Variants in TBC1D5 observed in about 807,000 individuals in gnomAD.
TBC1D5 encodes the protein TBC1 domain family, member 5.
In TBC1D5, 75 loss-of-function variants were observed where a neutral mutation model predicts 100.3. That is an observed-to-expected ratio of 0.75 (90% CI 0.62 to 0.91). The LOEUF (loss-of-function observed/expected upper bound fraction) is 0.91, where lower values mean the gene tolerates loss of function less well. TBC1D5 is among the 40% of genes least tolerant of loss of function. TBC1D5 has a pLI of 0.00. For missense variants in TBC1D5, 910 were observed against 942.4 expected (o/e 0.97, Z 0.45); for synonymous variants, 323 against 325.6 (o/e 0.99, Z 0.09).
intron 14 of TBC1D5, among the ~76,000 whole-genome samples, chr3:17,296,098 A>G (rs1375715230): frequency 6.6e-6 from 1 of 152,234 alleles, no homozygotes; most frequent in Non-Finnish European, 1.5e-5. Flanking sequence ...AAAAGTCCTC[A>G]GTGTCAAAGG....
At chr3:17,609,814 T>A (rs1560273767) in intron 2 of TBC1D5, among the ~76,000 whole-genome samples, 1 of 152,188 alleles carries the variant, frequency 6.6e-6, no homozygotes, top group African/African-American at 2.4e-5. Context: ...GGACAGTCAG[T>A]ATATTATCAG....
intron 1 of TBC1D5, among the ~76,000 whole-genome samples, chr3:17,701,193 G>C (rs2073135277): frequency 6.6e-6 from 1 of 152,096 alleles, no homozygotes; most frequent in Non-Finnish European, 1.5e-5. Context: ...CATGGATGAA[G>C]CTGGAAACCA....
intron 3 of TBC1D5, among the ~76,000 whole-genome samples, chr3:17,474,690 T>TCATTGA (rs1217802287): frequency 6.6e-6 from 1 of 152,138 alleles, no homozygotes; most frequent in Non-Finnish European, 1.5e-5. Context: ...TTTTAATGCA[T>TCATTGA]CATTGACATC....
chr3:17,282,604 G>A (rs550177664), intron 15 of TBC1D5, among the ~76,000 whole-genome samples: 5 of 152,200 alleles, frequency 3.3e-5, no homozygotes, highest in East Asian at 3.9e-4. Context: ...AAAACATGCC[G>A]AGCAATCATT....
At chr3:17,720,293 A>AT (rs1278763403) in intron 1 of TBC1D5, among the ~76,000 whole-genome samples, 4 of 152,196 alleles carry the variant, frequency 2.6e-5, no homozygotes, top group Admixed American at 2.6e-4. Context: ...TGTAGCCAAC[A>AT]TTTTTAAAAT....
At chr3:17,487,199 C>T (rs2095580096) in intron 3 of TBC1D5, among the ~76,000 whole-genome samples, 1 of 151,972 alleles carries the variant, frequency 6.6e-6, no homozygotes, top group African/African-American at 2.4e-5. Flanking sequence ...TACTATTTGG[C>T]CATATAAGAA....
intron 2 of TBC1D5, among the ~76,000 whole-genome samples, chr3:17,551,058 GTGTGTGTGTA>G (rs908083494): frequency 5.3e-5 from 8 of 152,116 alleles, no homozygotes; most frequent in African/African-American, 1.7e-4. Flanking sequence ...AGCTCTGTGT[GTGTGTGTGTA>G]TGTGTGTGTA....
chr3:17,589,962 C>T (rs527779776), intron 2 of TBC1D5, among the ~76,000 whole-genome samples: 1 of 152,236 alleles, frequency 6.6e-6, no homozygotes, highest in South Asian at 2.1e-4. Flanking sequence ...GCCCAGAGAT[C>T]AGTTTGAAAT....
intron 2 of TBC1D5, among the ~76,000 whole-genome samples, chr3:17,563,397 G>C (rs2153480050): frequency 6.6e-6 from 1 of 152,308 alleles, no homozygotes; most frequent in South Asian, 2.1e-4. Context: ...AAAGGGTACA[G>C]TGAGAAGAGA....
At chr3:17,740,932 T>C (rs752018125), upstream of TBC1D5, 6 of 152,060 alleles carry the variant, frequency 3.9e-5, no homozygotes, top group African/African-American at 1.5e-4. Flanking sequence ...GACACAATAT[T>C]TGCACTCTTC....
At chr3:17,678,726 A>G (rs2069022421) in intron 1 of TBC1D5, among the ~76,000 whole-genome samples, 1 of 150,472 alleles carries the variant, frequency 6.6e-6, no homozygotes. Context: ...TCCCAAACTG[A>G]AAGACATTTG....
chr3:17,588,651 C>T (rs1422417791), intron 2 of TBC1D5, among the ~76,000 whole-genome samples: 1 of 152,214 alleles, frequency 6.6e-6, no homozygotes, highest in East Asian at 1.9e-4. Flanking sequence ...AAGTTGTGCA[C>T]TCCTAGGGAG....
In TBC1D5 at chr3:17,430,650, C is replaced by A. The variant is rs573463485; in HGVS notation, c.98-2131G>T. On this transcript the variant is annotated intron_variant, in intron 3 of 21. Transcript: ENST00000253692. ...CAATAAAGTTTTGAAGCGGGAAAAA[C>A]GCTTTGTTCCCTCAATCCTCTAGTT... Among the ~76,000 whole-genome samples, 388 of 151,936 alleles carry A rather than the reference C, an allele frequency of 2.6e-3. 3 individuals carry two copies. Among genetic ancestry groups the A allele is most frequent in the Non-Finnish European group, 4.3e-3 (292 of 67,766 alleles).
At chr3:17,172,593 A>C (rs2067270819) in intron 19 of TBC1D5, among the ~76,000 whole-genome samples, 1 of 152,214 alleles carries the variant, frequency 6.6e-6, no homozygotes, top group Non-Finnish European at 1.5e-5. Context: ...TGGAGCACTG[A>C]AACTAAAGGG....
At chr3:17,603,894 C>G (rs1329675284) in intron 2 of TBC1D5, among the ~76,000 whole-genome samples, 1 of 152,116 alleles carries the variant, frequency 6.6e-6, no homozygotes, top group Non-Finnish European at 1.5e-5. Context: ...ATCCACCCGC[C>G]TCACCCTCTC....
At position 17,252,311 on chromosome 3, in the gene TBC1D5, C is replaced by A. The variant is rs190194336; in HGVS notation, c.1331+6195G>T. Among the ~76,000 whole-genome samples, 58 of 152,204 alleles carry A rather than the reference C, an allele frequency of 3.8e-4. No homozygotes were observed. The East Asian group carries it at 0.011, about 29-fold the overall frequency. On this transcript the variant is annotated intron_variant, in intron 16 of 21. Transcript: ENST00000253692. The stretch of plus-strand genomic sequence containing the variant: ...GAGATGGAAGAAACCAAGATTAGTT[C>A]TTTGATCTCTCACTCCAGCAGATCA...
intron 17 of TBC1D5, among the ~76,000 whole-genome samples, chr3:17,215,022 T>C (rs1487099614): frequency 1.3e-5 from 2 of 151,614 alleles, no homozygotes; most frequent in Admixed American, 1.3e-4. Context: ...GGGTGAGAGA[T>C]GAGGTTTGAG....
At chr3:17,712,007 G>C (rs988232263) in intron 1 of TBC1D5, among the ~76,000 whole-genome samples, 5 of 152,162 alleles carry the variant, frequency 3.3e-5, no homozygotes, top group African/African-American at 1.2e-4. Context: ...TAAAACACAT[G>C]CTTAATTAAA....
intron 13 of TBC1D5, among the ~76,000 whole-genome samples, chr3:17,328,456 T>G (rs1286480479): frequency 6.6e-6 from 1 of 152,102 alleles, no homozygotes; most frequent in Admixed American, 6.6e-5. Flanking sequence ...ATTGTCCACC[T>G]TGAATCATCT....
Sources: allele counts gnomAD v4.1 joint callset (sites outside exome capture counted in the v4.1 genomes callset), GRCh38; gene constraint gnomAD v4.1.1; transcripts MANE v1.5; gene names NCBI Gene and HGNC (gene_info 2026-07-23, HGNC 2026-07-21).